SMG7: variants seen among roughly 807,000 people sequenced by gnomAD.
The protein encoded by SMG7 is SMG7 nonsense mediated mRNA decay factor, also known as nonsense-mediated mRNA decay factor SMG7.
Under a neutral mutation model 148.2 loss-of-function variants are expected in SMG7, and 34 were observed. The ratio of observed to expected loss-of-function variants is 0.23; its 90% CI spans 0.17 to 0.31. The LOEUF (loss-of-function observed/expected upper bound fraction) is 0.31. SMG7 is among the 10% of genes least tolerant of loss of function. The pLI is 1.00. For synonymous variants in SMG7, 492 were observed against 515.1 expected, an observed-to-expected ratio of 0.96 and a Z score of 0.61; for missense variants, 1,114 against 1,408.4, an observed-to-expected ratio of 0.79 and a Z score of 3.35.
At chr1:183,531,844 T>C (rs1269607607) in intron 8 of SMG7, among the ~76,000 whole-genome samples, 2 of 152,142 alleles carry the variant, frequency 1.3e-5, no homozygotes, top group Non-Finnish European at 2.9e-5. Context: ...GCCAGTATTA[T>C]TTGAATAAAC....
intron 18 of SMG7, 74 bp from the exon 19 acceptor site, chr1:183,549,134 C>T: frequency 1.7e-6 from 2 of 1,147,862 alleles, no homozygotes; most frequent in South Asian, 1.3e-5. Flanking sequence ...TGCTTTGGTT[C>T]CATAGTATGG....
intron 12 of SMG7, among the ~76,000 whole-genome samples, chr1:183,539,616 C>G (rs1668438098): frequency 6.6e-6 from 1 of 152,204 alleles, no homozygotes; most frequent in Admixed American, 6.5e-5. Flanking sequence ...AAAAACTGAG[C>G]TTATATTTTC....
At chr1:183,544,309 G>A (rs760710370) in intron 14 of SMG7, 44 bp from the exon 15 acceptor site, 3 of 1,544,544 alleles carry the variant, frequency 1.9e-6, no homozygotes, top group East Asian at 4.5e-5. Flanking sequence ...TAGCACATTT[G>A]AGTTTCAATT....
intron 1 of SMG7, among the ~76,000 whole-genome samples, chr1:183,511,035 G>T (rs773724839): frequency 1.6e-4 from 24 of 151,892 alleles, no homozygotes; most frequent in African/African-American, 5.6e-4. Flanking sequence ...TGTGGCATGC[G>T]CCTGTAATCC....
chr1:183,532,531 A>T (rs1183192440), intron 8 of SMG7, among the ~76,000 whole-genome samples: 1 of 152,200 alleles, frequency 6.6e-6, no homozygotes, highest in South Asian at 2.1e-4. Flanking sequence ...ATGATCACGC[A>T]TGTACTTCTC....
chr1:183,479,514 C>A (rs1653533175), intron 1 of SMG7, among the ~76,000 whole-genome samples: 1 of 152,120 alleles, frequency 6.6e-6, no homozygotes. Context: ...GGTTCATTTT[C>A]TTGTTTTCTC....
intron 1 of SMG7, among the ~76,000 whole-genome samples, chr1:183,501,424 A>G (rs1018179869): frequency 2.6e-5 from 4 of 152,220 alleles, no homozygotes; most frequent in African/African-American, 9.6e-5. Context: ...CCATTTTATG[A>G]TATCATGCAT....
At chr1:183,509,284 C>T (rs1661636611) in intron 1 of SMG7, among the ~76,000 whole-genome samples, 1 of 152,136 alleles carries the variant, frequency 6.6e-6, no homozygotes, top group African/African-American at 2.4e-5. Context: ...AATCTATTTC[C>T]TTTATGAACA....
At chr1:183,507,427 T>C (rs1661170108) in intron 1 of SMG7, among the ~76,000 whole-genome samples, 1 of 152,192 alleles carries the variant, frequency 6.6e-6, no homozygotes, top group African/African-American at 2.4e-5. Context: ...AACTATTATA[T>C]AATATCATAA....
At chr1:183,492,755 C>CT (rs554479162) in intron 1 of SMG7, among the ~76,000 whole-genome samples, 4 of 151,776 alleles carry the variant, frequency 2.6e-5, no homozygotes, top group African/African-American at 7.2e-5. Flanking sequence ...ATATGCTGTT[C>CT]TTTTTTTTAT....
chr1:183,529,819 A>G (rs1160851007), intron 8 of SMG7, among the ~76,000 whole-genome samples: 1 of 152,122 alleles, frequency 6.6e-6, no homozygotes, highest in Non-Finnish European at 1.5e-5. Context: ...TGAAACTACT[A>G]CTACTTTTGA....
At position 183,553,103 on chromosome 1, in the gene SMG7, T is replaced by C; in HGVS notation, c.*1172T>C. On this transcript the variant is annotated 3_prime_UTR_variant, in exon 23 of 23. Coordinates refer to ENST00000688051, the MANE Select transcript of SMG7 (RefSeq NM_001375584.1). ...CAGCTGCAGTCTCCCAGCCTCCACT[T>C]TCAGAGTGAAATTCAAGGCAGCACG... is the stretch of plus-strand genomic sequence containing the variant. 6.5e-7 allele frequency: 1 copy of C among 1,536,268 alleles called. No homozygotes were observed. The highest frequency in any genetic ancestry group is 8.7e-7 in the Non-Finnish European group (1 of 1,146,918).
intron 22 of SMG7, among the ~76,000 whole-genome samples, 196 bp from the exon 23 acceptor site, chr1:183,551,622 G>A (rs968727001): frequency 1.3e-5 from 2 of 152,250 alleles, no homozygotes; most frequent in South Asian, 2.1e-4. Context: ...ACTTCTTCTG[G>A]TTTAAAATAG....
chr1:183,500,005 C>CA (rs1386133873), intron 1 of SMG7, among the ~76,000 whole-genome samples: 2 of 151,710 alleles, frequency 1.3e-5, no homozygotes, highest in African/African-American at 4.8e-5. Context: ...GGGGTTGTTG[C>CA]AAAAAAAGGA....
chr1:183,553,462 A>T lies in SMG7; in HGVS notation c.*1531A>T. ...GGGGAGGGGTTGTGTGTGCGAGTGTATGGAGTTAGTGTGGAACTTAAGAGC... is the reference window on the plus strand; with the variant it reads ...GGGGAGGGGTTGTGTGTGCGAGTGTTTGGAGTTAGTGTGGAACTTAAGAGC... On this transcript the variant is annotated 3_prime_UTR_variant, in exon 23 of 23. Coordinates refer to ENST00000688051, the MANE Select transcript of SMG7 (RefSeq NM_001375584.1). 1 of 433,396 alleles carries T rather than the reference A, an allele frequency of 2.3e-6. No individual in the cohort carries two copies. 26.8% of individuals were successfully genotyped at this position (433,396 alleles called of 1,614,324 possible).
At chr1:183,479,777 G>A (rs1328087549) in intron 1 of SMG7, among the ~76,000 whole-genome samples, 13 of 152,168 alleles carry the variant, frequency 8.5e-5, no homozygotes, top group Non-Finnish European at 1.9e-4. Flanking sequence ...TAGGCAAGAA[G>A]TTTATTCCAA....
At chr1:183,497,644 A>AGTGCAAC (rs1456546270) in intron 1 of SMG7, among the ~76,000 whole-genome samples, 2 of 152,010 alleles carry the variant, frequency 1.3e-5, no homozygotes, top group Non-Finnish European at 2.9e-5. Flanking sequence ...ATCTTGGCTC[A>AGTGCAAC]CTGCAACCTC....
rs976167509 is a variant in SMG7, at chr1:183,553,866, T to C, written c.*1935T>C. On this transcript the variant is annotated 3_prime_UTR_variant, in exon 23 of 23. Transcript: ENST00000688051. ...AACATTCCAGTGTTTGAACTGTCAC[T>C]GATTCTTGCGCCCTAGACAAGCTAA... 6.5e-6 allele frequency: 1 copy of C among 152,736 alleles called. No homozygotes were observed. Among genetic ancestry groups the C allele is most frequent in the African/African-American group, 2.4e-5 (1 of 41,450 alleles). The allele number at this position is 152,736 out of a possible 1,614,324, so 9.5% of individuals were successfully genotyped here.
At chr1:183,492,755 CTT>C (rs554479162) in intron 1 of SMG7, among the ~76,000 whole-genome samples, 2 of 151,660 alleles carry the variant, frequency 1.3e-5, no homozygotes, top group Non-Finnish European at 2.9e-5. Context: ...ATATGCTGTT[CTT>C]TTTTTTATAG....
Sources: allele counts gnomAD v4.1 joint callset (sites outside exome capture counted in the v4.1 genomes callset), GRCh38; gene constraint gnomAD v4.1.1; transcripts MANE v1.5; gene names NCBI Gene and HGNC (gene_info 2026-07-23, HGNC 2026-07-21).